The following SOX5 variants were observed in gnomAD, a reference collection of about 807,000 sequenced individuals.
SOX5 encodes SRY-box transcription factor 5.
In SOX5, 9 loss-of-function variants were observed where a neutral mutation model predicts 92.0. The observed-to-expected ratio is 0.10, with a 90% CI of 0.06 to 0.17. The LOEUF is 0.17. SOX5 is among the 10% of genes least tolerant of loss of function. The pLI, the probability that SOX5 is intolerant of heterozygous loss-of-function variation, is 1.00. For synonymous variants in SOX5, 344 were observed against 336.3 expected, an observed-to-expected ratio of 1.02 and a Z score of -0.25; for missense variants, 642 against 944.5, an observed-to-expected ratio of 0.68 and a Z score of 4.20.
intron 1 of SOX5, among the ~76,000 whole-genome samples, chr12:24,464,126 C>A (rs539648049): frequency 9.6e-4 from 146 of 152,092 alleles, no homozygotes; most frequent in African/African-American, 2.8e-3. Flanking sequence ...GGAATCTGTA[C>A]CCTGGGAAAT....
intron 9 of SOX5, among the ~76,000 whole-genome samples, chr12:23,597,320 T>C (rs1437085842): frequency 6.6e-6 from 1 of 152,224 alleles, no homozygotes; most frequent in Non-Finnish European, 1.5e-5. Flanking sequence ...ATAATTTTTA[T>C]TGTTTTTATG....
intron 11 of SOX5, among the ~76,000 whole-genome samples, chr12:23,553,478 A>T (rs1180050134): frequency 6.6e-6 from 1 of 152,074 alleles, no homozygotes; most frequent in Non-Finnish European, 1.5e-5. Context: ...ACAGTAAAAT[A>T]TGGGCCCTTG....
In SOX5 at chr12:23,531,516, A is replaced by T. The variant is rs1939077719; in HGVS notation, c.*2703T>A. On this transcript the variant is annotated 3_prime_UTR_variant, in exon 15 of 15. Transcript: ENST00000451604. ...ATGAAAACAAAGCATCTTTCATAAC[A>T]TGGTGTAAAGTAAGTATCCAGCAAA... 1 of 144,532 alleles carries T rather than the reference A, an allele frequency of 6.9e-6. No homozygotes were observed. The highest frequency in any genetic ancestry group is 2.2e-4 in the South Asian group (1 of 4,550). The allele number at this position is 144,532 out of a possible 1,614,324, so 9.0% of individuals were successfully genotyped here. A position where few individuals can be genotyped will look rare whatever the true frequency, so the allele number is the denominator to read the frequency against.
chr12:23,882,366 A>C (rs1294462905), intron 2 of SOX5, among the ~76,000 whole-genome samples: 1 of 150,800 alleles, frequency 6.6e-6, no homozygotes, highest in Non-Finnish European at 1.5e-5. Context: ...AAGTAAGCGG[A>C]TATACTAAAA....
intron 1 of SOX5, among the ~76,000 whole-genome samples, chr12:24,558,116 A>C (rs1412311542): frequency 6.6e-6 from 1 of 152,338 alleles, no homozygotes; most frequent in East Asian, 1.9e-4. Flanking sequence ...AGACGATCAT[A>C]ATAAACTGCC....
chr12:23,690,072 T>A (rs571057238), intron 6 of SOX5, among the ~76,000 whole-genome samples: 1 of 152,182 alleles, frequency 6.6e-6, no homozygotes, highest in Admixed American at 6.6e-5. Context: ...ACTTCATCAA[T>A]AGAGTAATTT....
intron 4 of SOX5, among the ~76,000 whole-genome samples, chr12:24,183,601 C>T (rs562351364): frequency 1.8e-4 from 27 of 151,960 alleles, no homozygotes; most frequent in Admixed American, 3.9e-4. Flanking sequence ...TTGAAAGCAA[C>T]GTATTTTAAA....
At chr12:24,419,304 AT>A (rs1026672155) in intron 1 of SOX5, among the ~76,000 whole-genome samples, 18 of 152,032 alleles carry the variant, frequency 1.2e-4, no homozygotes, top group African/African-American at 3.6e-4. Flanking sequence ...TGCCAGGCTA[AT>A]TTTTTTGTAT....
rs1240395802 is a variant in SOX5 at position 23,846,091 on chromosome 12, A to G, written c.373T>C (p.Ser125Pro). The G allele has an allele frequency of 1.9e-6, 3 of 1,613,986 alleles. No individual in the cohort carries two copies. The highest frequency in any genetic ancestry group is 2.7e-5 in the African/African-American group (2 of 74,924). Residue 125 changes from serine (S) to proline (P), a missense_variant, in exon 3 of 15, where the codon TCT becomes CCT. Around this residue, in one of 8 missense-constraint regions of SOX5, gnomAD observed 29 missense variants for 47.4 expected, o/e 0.61. Transcript: ENST00000451604. ...TCAGGAGTTCCCAGGGCTGTACTAGACAAGGACTCGCCACTCTGTCGCCCA... is the reference window on the plus strand; with the variant it reads ...TCAGGAGTTCCCAGGGCTGTACTAGGCAAGGACTCGCCACTCTGTCGCCCA... ...EGGRQSGESL[S>P]STALGTPERR...
chr12:24,040,620 C>T (rs1008940733), intron 4 of SOX5, among the ~76,000 whole-genome samples: 4 of 152,188 alleles, frequency 2.6e-5, no homozygotes, highest in Non-Finnish European at 5.9e-5. Context: ...CGCCTGTAAT[C>T]CCAGCACTTT....
rs183433276 is a variant in SOX5 at position 24,559,042 on chromosome 12, A to C, written c.-251+3287T>G. ...TAACATATGAAAACCAAATGCAGACAATTTACAAATGGGTGTTTTAAAACA... is the reference window on the plus strand; with the variant it reads ...TAACATATGAAAACCAAATGCAGACCATTTACAAATGGGTGTTTTAAAACA... On this transcript the variant is annotated intron_variant, in intron 1 of 4. Transcript: ENST00000446891. Among the ~76,000 whole-genome samples, 379 of 152,340 alleles carry C rather than the reference A, an allele frequency of 2.5e-3. 2 individuals are homozygous for C. Among genetic ancestry groups the C allele is most frequent in the Non-Finnish European group, 4.2e-3 (289 of 68,032 alleles).
At chr12:23,674,528 G>A (rs540836897) in intron 6 of SOX5, among the ~76,000 whole-genome samples, 3 of 151,318 alleles carry the variant, frequency 2.0e-5, no homozygotes, top group Non-Finnish European at 4.4e-5. Context: ...AGTAGAGACG[G>A]GGTTTCACCA....
intron 3 of SOX5, among the ~76,000 whole-genome samples, chr12:24,232,980 C>T (rs1963718336): frequency 6.6e-6 from 1 of 152,178 alleles, no homozygotes; most frequent in African/African-American, 2.4e-5. Flanking sequence ...TCATCCCAGT[C>T]CTCACCAGTC....
At chr12:23,887,087 T>C (rs2097075888) in intron 2 of SOX5, among the ~76,000 whole-genome samples, 1 of 152,222 alleles carries the variant, frequency 6.6e-6, no homozygotes, top group Non-Finnish European at 1.5e-5. Context: ...CTACATTGTT[T>C]CTGTTACTAA....
intron 1 of SOX5, among the ~76,000 whole-genome samples, chr12:24,485,009 T>G (rs1164266989): frequency 6.6e-6 from 1 of 152,090 alleles, no homozygotes; most frequent in South Asian, 2.1e-4. Flanking sequence ...ATCCAGGAGT[T>G]GGAATTTAAG....
intron 4 of SOX5, among the ~76,000 whole-genome samples, chr12:24,035,125 G>A (rs1275230247): frequency 6.6e-6 from 1 of 152,078 alleles, no homozygotes; most frequent in African/African-American, 2.4e-5. Context: ...AATATACGAT[G>A]GCAGTGACGC....
At chr12:23,729,608 A>G in intron 6 of SOX5, among the ~76,000 whole-genome samples, 1 of 152,148 alleles carries the variant, frequency 6.6e-6, no homozygotes. Flanking sequence ...GGAGATTATT[A>G]AATACTAATT....
intron 2 of SOX5, among the ~76,000 whole-genome samples, chr12:24,307,256 T>C (rs139143511): frequency 7.9e-5 from 12 of 152,238 alleles, no homozygotes; most frequent in Non-Finnish European, 1.3e-4. Flanking sequence ...AGTGAGGAAA[T>C]AGAAGCTTAG....
intron 4 of SOX5, among the ~76,000 whole-genome samples, chr12:24,151,076 T>C (rs1951605971): frequency 6.6e-6 from 1 of 152,018 alleles, no homozygotes. Flanking sequence ...CTGAGCAAGA[T>C]CACAGAAAAA....
Sources: gnomAD v4.1 joint callset for allele counts (sites outside exome capture counted in the v4.1 genomes callset) on GRCh38, gnomAD v4.1.1 for gene constraint, gnomAD v4.1.1 regional missense constraint, MANE v1.5 for transcripts, NCBI Gene and HGNC (gene_info 2026-07-23, HGNC 2026-07-21) for gene names.